The following NODAL variants were observed in gnomAD, a reference collection of about 807,000 sequenced individuals.
NODAL encodes nodal homolog.
NODAL carries 12 observed loss-of-function variants against 34.0 expected under a neutral mutation model. The observed-to-expected ratio is 0.35, with a 90% CI of 0.23 to 0.57. The LOEUF is 0.57. Among genes scored for constraint, NODAL ranks in the 20% least tolerant of loss-of-function variants. NODAL has a pLI of 0.83. For missense variants in NODAL, 390 were observed against 444.2 expected, an observed-to-expected ratio of 0.88 and a Z score of 1.10; for synonymous variants, 162 against 186.4, an observed-to-expected ratio of 0.87 and a Z score of 1.07.
intron 1 of NODAL, among the ~76,000 whole-genome samples, chr10:70,440,163 G>A (rs528978546): frequency 4.3e-4 from 65 of 152,316 alleles, no homozygotes; most frequent in Non-Finnish European, 8.1e-4. Flanking sequence ...ACCAAGACGC[G>A]CCAGGGACAA....
chr10:70,433,060 CGGTG>C lies in NODAL; in HGVS notation c.916_919del (p.His306GlufsTer10). The C allele has an allele frequency of 1.9e-6, 3 of 1,613,990 alleles. No homozygotes were observed. The highest frequency in any genetic ancestry group is 2.5e-6 in the Non-Finnish European group (3 of 1,180,006). On this transcript the variant is annotated frameshift_variant, in exon 3 of 3. Coordinates refer to ENST00000287139, the MANE Select transcript of NODAL (RefSeq NM_018055.5). LOFTEE classifies it high-confidence loss of function. ...TGGGGCACAACAAGTGGAAGGGACT[CGGTG>C]GGGCTGGTAACGTTTCAGCAGACTC... is the stretch of plus-strand genomic sequence containing the variant.
chr10:70,434,174 C>T (rs1301850114), intron 2 of NODAL, among the ~76,000 whole-genome samples: 2 of 152,156 alleles, frequency 1.3e-5, no homozygotes, highest in East Asian at 3.8e-4. Context: ...AAAATGAAAA[C>T]ATTTTGGTCC....
chr10:70,441,403 G>A (rs1396962811), intron 1 of NODAL, 72 bp downstream of exon 1: 9 of 1,504,054 alleles, frequency 6.0e-6, no homozygotes, highest in Non-Finnish European at 8.1e-6. Flanking sequence ...AGCACTTCCC[G>A]AGTCCGCTGG....
At chr10:70,433,710 C>T (rs779502125) in intron 2 of NODAL, among the ~76,000 whole-genome samples, 3 of 152,212 alleles carry the variant, frequency 2.0e-5, no homozygotes, top group South Asian at 2.1e-4. Context: ...CCACCGTGCC[C>T]GGCTGTGAAT....
chr10:70,439,140 G>T (rs986873543), intron 1 of NODAL, among the ~76,000 whole-genome samples: 6 of 152,282 alleles, frequency 3.9e-5, no homozygotes, highest in South Asian at 2.1e-4. Context: ...GAGTAGCTGG[G>T]ACTACAGGTG....
upstream of NODAL, among the ~76,000 whole-genome samples, chr10:70,443,783 G>A (rs1161278063): frequency 1.3e-5 from 2 of 151,858 alleles, no homozygotes; most frequent in Non-Finnish European, 2.9e-5. Context: ...AGGTTGCAGT[G>A]GGTCAAGATT....
Position 70,432,962 on chromosome 10 carries a change from T to A in NODAL, c.1018A>T (p.Ile340Phe). ...RVLLDHHKDM[I>F]VEECGCL is the part of the protein sequence containing the mutation. ...CAGAGGCACCCACATTCTTCCACGA[T>A]CATGTCTTTATGGTGATCTAGGAGC... Residue 340 changes from isoleucine to phenylalanine, a missense_variant, in exon 3 of 3, where the codon ATC becomes TTC. Physicochemically the swap from Ile to Phe is conservative, Grantham distance 21. Transcript: ENST00000287139. The A allele has an allele frequency of 6.2e-7, 1 of 1,614,124 alleles. No individual in the cohort carries two copies. Among genetic ancestry groups the A allele is most frequent in the Non-Finnish European group, 8.5e-7 (1 of 1,180,042 alleles).
Position 70,435,909 on chromosome 10 carries a change from A to T in NODAL, c.268T>A (p.Trp90Arg). 6.2e-7 allele frequency: 1 copy of T among 1,614,150 alleles called. No individual in the cohort carries two copies. The highest frequency in any genetic ancestry group is 1.1e-5 in the South Asian group (1 of 91,086). ...SFLSQQEDLA[W>R]AELRLQLSSP... The stretch of plus-strand genomic sequence containing the variant: ...GACAGCTGCAGCCGGAGCTCAGCCC[A>T]TGCCAGATCCTCTTGTTGGCTCAGG... The change falls in exon 2 of 3, where the codon TGG becomes AGG. Residue 90 changes from tryptophan to arginine, a missense_variant. Physicochemically the swap from Trp to Arg is moderately radical, Grantham distance 101 (BLOSUM62 -3). Coordinates refer to ENST00000287139, the MANE Select transcript of NODAL (RefSeq NM_018055.5).
At chr10:70,438,010 C>T (rs1394477981) in intron 1 of NODAL, among the ~76,000 whole-genome samples, 3 of 152,214 alleles carry the variant, frequency 2.0e-5, no homozygotes, top group Admixed American at 1.3e-4. Flanking sequence ...TTTATCTTGG[C>T]CAGGTGCGGT....
chr10:70,433,013 T>G lies in NODAL; in HGVS notation c.967A>C (p.Met323Leu). 1 of 1,614,050 alleles carries G rather than the reference T, an allele frequency of 6.2e-7. No homozygotes were observed. Among genetic ancestry groups the G allele is most frequent in the South Asian group, 1.1e-5 (1 of 91,072 alleles). Residue 323 changes from methionine (M) to leucine (L), a missense_variant, in exon 3 of 3, where the codon ATG becomes CTG. Physicochemically the swap from Met to Leu is conservative, Grantham distance 15 (BLOSUM62 2). Transcript: ENST00000287139. The part of the protein sequence containing the change: ...CAPVKTKPLS[M>L]LYVDNGRVLL... ...ACTCTGCCATTATCCACATACAGCA[T>G]GCTCAGCGGCTTGGTCTTCACTGGG... is the stretch of plus-strand genomic sequence containing the variant.
upstream of NODAL, among the ~76,000 whole-genome samples, chr10:70,444,320 C>G (rs1034509401): frequency 7.4e-6 from 1 of 134,662 alleles, no homozygotes; most frequent in African/African-American, 2.8e-5. Flanking sequence ...CACAAGCACT[C>G]CAGTGATACT....
chr10:70,434,121 A>G (rs1400141110), intron 2 of NODAL, among the ~76,000 whole-genome samples: 1 of 152,220 alleles, frequency 6.6e-6, no homozygotes, highest in Non-Finnish European at 1.5e-5. Flanking sequence ...CATGGAGGAT[A>G]TATTGCAAGT....
intron 1 of NODAL, 23 bp from the exon 2 acceptor site, chr10:70,436,006 G>T: frequency 1.2e-6 from 2 of 1,609,778 alleles, no homozygotes; most frequent in Non-Finnish European, 1.7e-6. Flanking sequence ...AAACCAAGAA[G>T]GAAGGAGGGT....
rs537248359 is a variant in NODAL, at chr10:70,435,130, T to C, written c.891+156A>G. 9.4e-4 allele frequency: 645 copies of C among 684,410 alleles called. 2 individuals carry two copies. The highest frequency in any genetic ancestry group is 1.1e-3 in the Non-Finnish European group (420 of 397,536). 42.4% of individuals were successfully genotyped at this position (684,410 alleles called of 1,614,324 possible). ...TCTATAAGGATGTTACACTCGGTCA[T>C]CTCTACATGCCTGGTACCTAGCACA... On this transcript the variant is annotated intron_variant, in intron 2 of 2. Transcript: ENST00000287139.
chr10:70,441,437 G>A (rs1332238595), intron 1 of NODAL, 38 bp downstream of exon 1: 2 of 1,543,794 alleles, frequency 1.3e-6, no homozygotes, highest in Non-Finnish European at 1.7e-6. Flanking sequence ...AGGCGCCCCG[G>A]GGGTGCCCAG....
intron 1 of NODAL, among the ~76,000 whole-genome samples, chr10:70,440,760 G>C (rs1845420419): frequency 6.6e-6 from 1 of 152,198 alleles, no homozygotes; most frequent in Admixed American, 6.5e-5. Context: ...CGAACCCGGG[G>C]TTAAGCGAGA....
At chr10:70,445,547 C>G (rs187178081), upstream of NODAL, among the ~76,000 whole-genome samples, 2 of 152,192 alleles carry the variant, frequency 1.3e-5, no homozygotes, top group African/African-American at 4.8e-5. Context: ...CATGAGCCAC[C>G]GCGCCTGGCC....
At chr10:70,444,170 C>G (rs548297895), upstream of NODAL, among the ~76,000 whole-genome samples, 1 of 151,946 alleles carries the variant, frequency 6.6e-6, no homozygotes, top group Admixed American at 6.6e-5. Flanking sequence ...TGACCTCAGG[C>G]GATCCACCCG....
At chr10:70,445,909 T>C (rs1845483775), upstream of NODAL, among the ~76,000 whole-genome samples, 1 of 152,194 alleles carries the variant, frequency 6.6e-6, no homozygotes, top group Admixed American at 6.5e-5. Flanking sequence ...TGTATTGGCT[T>C]AGAGCCCTGT....
Sources: gnomAD v4.1 joint callset for allele counts (sites outside exome capture counted in the v4.1 genomes callset) on GRCh38, gnomAD v4.1.1 for gene constraint, MANE v1.5 for transcripts, NCBI Gene and HGNC (gene_info 2026-07-23, HGNC 2026-07-21) for gene names.